The following MALT1 variants were observed in gnomAD, a reference collection of about 807,000 sequenced individuals.
MALT1 encodes MALT1 paracaspase.
In MALT1, 36 loss-of-function variants were observed where a neutral mutation model predicts 85.5. The ratio of observed to expected loss-of-function variants is 0.42; its 90% confidence interval spans 0.32 to 0.56. MALT1 has a LOEUF of 0.56. MALT1 is among the 20% of genes least tolerant of loss of function. The pLI, the probability that MALT1 is intolerant of heterozygous loss-of-function variation, is 0.10. For missense variants in MALT1, 716 were observed against 981.6 expected (o/e 0.73, Z 3.62); for synonymous variants, 359 against 361.3 (o/e 0.99, Z 0.07).
At chr18:58,712,609 G>A (rs1027143888) in intron 7 of MALT1, among the ~76,000 whole-genome samples, 9 of 152,132 alleles carry the variant, frequency 5.9e-5, no homozygotes, top group African/African-American at 2.2e-4. Flanking sequence ...ATCAGTTCTA[G>A]TGTTTGATAG....
At chr18:58,746,338 A>G (rs1355749589) in intron 16 of MALT1, among the ~76,000 whole-genome samples, 3 of 152,222 alleles carry the variant, frequency 2.0e-5, no homozygotes, top group Non-Finnish European at 4.4e-5. Context: ...ACTTTTAAAT[A>G]TGTTCAGATT....
intron 9 of MALT1, among the ~76,000 whole-genome samples, chr18:58,716,384 G>A (rs566318913): frequency 3.5e-4 from 53 of 152,342 alleles, no homozygotes; most frequent in South Asian, 1.2e-3. Flanking sequence ...AAATGTAAAC[G>A]AACAGTTGCA....
At chr18:58,702,307 C>G (rs1308197014) in intron 4 of MALT1, among the ~76,000 whole-genome samples, 1 of 151,546 alleles carries the variant, frequency 6.6e-6, no homozygotes, top group African/African-American at 2.4e-5. Context: ...TCACTCAAGC[C>G]CGGGAGGCGG....
chr18:58,688,169 G>A (rs955244202), intron 2 of MALT1, among the ~76,000 whole-genome samples: 2 of 152,082 alleles, frequency 1.3e-5, no homozygotes, highest in Admixed American at 6.6e-5. Context: ...GTGGGAGGAA[G>A]GAAATTTGTG....
chr18:58,700,338 T>G, intron 3 of MALT1, 103 bp from the exon 4 acceptor site: 1 of 832,316 alleles, frequency 1.2e-6, no homozygotes, highest in Admixed American at 3.4e-5. Flanking sequence ...GGAAAAATGT[T>G]GCACTTTCAA....
chr18:58,737,271 G>A (rs1302180202), intron 13 of MALT1, among the ~76,000 whole-genome samples: 2 of 152,104 alleles, frequency 1.3e-5, no homozygotes, highest in Non-Finnish European at 2.9e-5. Context: ...CTTGAACACA[G>A]AAGTTTGAGA....
Position 58,750,249 on chromosome 18 carries a change from A to C in MALT1, c.*2407A>C, listed in dbSNP as rs1302785413. ...CAAGAATAAAACTCCAACACGTTTAAAGAAATTAAGATCCAGATAAATGGA... is the reference window on the plus strand; with the variant it reads ...CAAGAATAAAACTCCAACACGTTTACAGAAATTAAGATCCAGATAAATGGA... On this transcript the variant is annotated 3_prime_UTR_variant, in exon 17 of 17. Transcript: ENST00000649217. 1 of 167,036 alleles carries C rather than the reference A, an allele frequency of 6.0e-6. No individual in the cohort carries two copies. The highest frequency in any genetic ancestry group is 2.4e-5 in the African/African-American group (1 of 41,958). 10.3% of individuals were successfully genotyped at this position (167,036 alleles called of 1,614,324 possible).
At chr18:58,744,048 T>TATAAAATGA (rs2055335392) in intron 14 of MALT1, among the ~76,000 whole-genome samples, 1 of 152,142 alleles carries the variant, frequency 6.6e-6, no homozygotes, top group East Asian at 1.9e-4. Flanking sequence ...TTAAAAATTC[T>TATAAAATGA]GGTCATATAA....
At chr18:58,688,315 C>CAA (rs924049893) in intron 2 of MALT1, among the ~76,000 whole-genome samples, 14 of 140,760 alleles carry the variant, frequency 9.9e-5, no homozygotes, top group Non-Finnish European at 2.0e-4. Flanking sequence ...CACACACACA[C>CAA]ACACACACAC....
intron 7 of MALT1, among the ~76,000 whole-genome samples, chr18:58,713,536 C>T (rs1163191943): frequency 6.6e-6 from 1 of 152,082 alleles, no homozygotes; most frequent in Non-Finnish European, 1.5e-5. Flanking sequence ...CCTGAGGAGA[C>T]ACAAGCAGTT....
chr18:58,747,808 G>C lies in MALT1; in HGVS notation c.2441G>C (p.Ser814Thr). 6.2e-7 allele frequency: 1 copy of C among 1,613,858 alleles called. No individual in the cohort carries two copies. Among genetic ancestry groups the C allele is most frequent in the East Asian group, 2.2e-5 (1 of 44,888 alleles). Residue 814 changes from serine to threonine, a missense_variant, in exon 17 of 17, where the codon AGT becomes ACT. Physicochemically the swap from Ser to Thr is moderately conservative, Grantham distance 58. Transcript: ENST00000649217. ...GAGACAACTGATGAAATACCATTTA[G>C]TTTCTCTGACAGGCTCAGAATTTCT... is the stretch of plus-strand genomic sequence containing the variant. The part of the protein sequence containing the change: ...PVETTDEIPF[S>T]FSDRLRISEK
chr18:58,731,803 C>T (rs550679953), intron 10 of MALT1, among the ~76,000 whole-genome samples: 24 of 151,560 alleles, frequency 1.6e-4, no homozygotes, highest in African/African-American at 5.5e-4. Flanking sequence ...TATGGAGATA[C>T]ATGAATCTCC....
chr18:58,728,660 A>G (rs2055100757), intron 10 of MALT1, among the ~76,000 whole-genome samples: 2 of 152,242 alleles, frequency 1.3e-5, no homozygotes, highest in Non-Finnish European at 2.9e-5. Context: ...TTCATTTTAC[A>G]CAAAAGTACT....
At chr18:58,720,939 A>G (rs1376614202) in intron 9 of MALT1, among the ~76,000 whole-genome samples, 4 of 152,214 alleles carry the variant, frequency 2.6e-5, no homozygotes, top group Non-Finnish European at 5.9e-5. Flanking sequence ...CCTTAGAAGA[A>G]GACTGATTTG....
intron 13 of MALT1, 44 bp downstream of exon 13, chr18:58,735,373 C>A: frequency 6.4e-7 from 1 of 1,559,048 alleles, no homozygotes; most frequent in Non-Finnish European, 8.6e-7. Context: ...AAAAGGAGAG[C>A]AGGGGAGACA....
rs370007442 is a variant in MALT1, at chr18:58,736,323, A to G, written c.1603+994A>G. On this transcript the variant is annotated intron_variant, in intron 13 of 16. Transcript: ENST00000649217. ...AGCCACTTTTCCATTTAACATAACC[A>G]GCCAGGGCTTTGGACTTCCTGCCAC... 2.6e-5 allele frequency among the ~76,000 whole-genome samples: 4 copies of G among 152,158 alleles called. No homozygotes were observed. The South Asian group carries it at 6.2e-4, about 24-fold the overall frequency.
At chr18:58,719,316 CCTCTCTCT>C (rs955272000) in intron 9 of MALT1, among the ~76,000 whole-genome samples, 2 of 145,482 alleles carry the variant, frequency 1.4e-5, no homozygotes, top group African/African-American at 5.5e-5. Context: ...AATCTCCCTC[CCTCTCTCT>C]CTCTCTTTCT....
At chr18:58,687,856 A>G (rs2054428415) in intron 2 of MALT1, among the ~76,000 whole-genome samples, 1 of 152,184 alleles carries the variant, frequency 6.6e-6, no homozygotes, top group African/African-American at 2.4e-5. Flanking sequence ...GTTTATCGGC[A>G]TATGTGTGTG....
chr18:58,694,198 C>T (rs908197874), intron 2 of MALT1, among the ~76,000 whole-genome samples: 1 of 152,178 alleles, frequency 6.6e-6, no homozygotes, highest in African/African-American at 2.4e-5. Flanking sequence ...CTGAGAGGCT[C>T]TACTATATTT....
Sources: gnomAD v4.1 joint callset for allele counts (sites outside exome capture counted in the v4.1 genomes callset) on GRCh38, gnomAD v4.1.1 for gene constraint, MANE v1.5 for transcripts, NCBI Gene and HGNC (gene_info 2026-07-23, HGNC 2026-07-21) for gene names.